IREB2: variants seen among roughly 807,000 people sequenced by gnomAD.
IREB2 encodes the protein iron responsive element binding protein 2, also known as iron-responsive element-binding protein 2.
In IREB2, 39 loss-of-function variants were observed where a neutral mutation model predicts 118.8. The ratio of observed to expected loss-of-function variants is 0.33; its 90% CI spans 0.25 to 0.43. The LOEUF is 0.43. Among genes scored for constraint, IREB2 ranks in the 20% least tolerant of loss-of-function variants. IREB2 has a pLI of 1.00. For synonymous variants in IREB2, 372 were observed against 392.2 expected, an observed-to-expected ratio of 0.95 and a Z score of 0.61; for missense variants, 900 against 1,147.3, an observed-to-expected ratio of 0.78 and a Z score of 3.11.
At chr15:78,475,630 G>A (rs953001109) in intron 8 of IREB2, 1 of 152,102 alleles carries the variant, frequency 6.6e-6, no homozygotes, top group Non-Finnish European at 1.5e-5. Context: ...AGCATCACTT[G>A]AGGCCAGAAG....
At chr15:78,477,991 G>A (rs939767734) in intron 9 of IREB2, among the ~76,000 whole-genome samples, 2 of 151,682 alleles carry the variant, frequency 1.3e-5, no homozygotes, top group South Asian at 2.1e-4. Flanking sequence ...GGAGGCCAAG[G>A]CAGGAGGATC....
At chr15:78,489,462 C>A (rs1413744811) in intron 16 of IREB2, among the ~76,000 whole-genome samples, 1 of 152,034 alleles carries the variant, frequency 6.6e-6, no homozygotes, top group Non-Finnish European at 1.5e-5. Flanking sequence ...GGCAAATAAG[C>A]TGTAAAGAGA....
intron 1 of IREB2, chr15:78,438,756 G>A: frequency 3.5e-6 from 1 of 288,012 alleles, no homozygotes; most frequent in Non-Finnish European, 6.7e-6. Context: ...CCGTGTTCGG[G>A]TCTCACGCAG....
intron 5 of IREB2, among the ~76,000 whole-genome samples, chr15:78,468,999 C>G (rs897447427): frequency 6.6e-6 from 1 of 152,138 alleles, no homozygotes. Flanking sequence ...ACTGGCACAT[C>G]GTAAGTGCTT....
chr15:78,463,541 A>G (rs2051232586), intron 3 of IREB2, among the ~76,000 whole-genome samples: 1 of 151,846 alleles, frequency 6.6e-6, no homozygotes, highest in African/African-American at 2.4e-5. Flanking sequence ...GTTAGTTTAT[A>G]AACTTAAAAA....
intron 7 of IREB2, 58 bp downstream of exon 7, chr15:78,471,982 G>A (rs8036042): frequency 0.15 from 194,494 of 1,264,168 alleles, 15,684 homozygotes; most frequent in Non-Finnish European, 0.16. Flanking sequence ...CAAGAACATT[G>A]TAAAAGAACA....
intron 7 of IREB2, among the ~76,000 whole-genome samples, 186 bp from the exon 8 acceptor site, chr15:78,473,056 T>C (rs1308155204): frequency 3.9e-5 from 6 of 152,202 alleles, no homozygotes; most frequent in Non-Finnish European, 7.3e-5. Context: ...TAATAGTTTT[T>C]CGACCGTGCG....
chr15:78,490,879 T>C (rs756937331), intron 18 of IREB2, 118 bp downstream of exon 18: 6 of 938,692 alleles, frequency 6.4e-6, no homozygotes, highest in Non-Finnish European at 9.6e-6. Context: ...GTAATCTGAC[T>C]GCCAATGTGT....
chr15:78,480,414 T>C (rs1001918573), intron 10 of IREB2, among the ~76,000 whole-genome samples: 2 of 152,148 alleles, frequency 1.3e-5, no homozygotes, highest in African/African-American at 4.8e-5. Flanking sequence ...GTGCGGTGGC[T>C]CACGCCTGTA....
intron 2 of IREB2, among the ~76,000 whole-genome samples, chr15:78,447,074 A>G (rs2050942098): frequency 6.6e-6 from 1 of 152,188 alleles, no homozygotes; most frequent in African/African-American, 2.4e-5. Context: ...GTGCGTGGTC[A>G]GATCAGACTC....
At chr15:78,463,528 A>C (rs1390190648) in intron 3 of IREB2, among the ~76,000 whole-genome samples, 2 of 151,530 alleles carry the variant, frequency 1.3e-5, no homozygotes, top group Non-Finnish European at 2.9e-5. Flanking sequence ...TTGTTTTTTT[A>C]AGGTTAGTTT....
chr15:78,441,099 T>A (rs1424160569), intron 2 of IREB2, among the ~76,000 whole-genome samples: 1 of 152,236 alleles, frequency 6.6e-6, no homozygotes, highest in Non-Finnish European at 1.5e-5. Flanking sequence ...ACGATTGTTC[T>A]TGTGATTTTT....
At chr15:78,483,170 G>A in intron 10 of IREB2, 148 bp from the exon 11 acceptor site, 1 of 486,600 alleles carries the variant, frequency 2.1e-6, no homozygotes, top group Non-Finnish European at 3.6e-6. Flanking sequence ...TTATTTCTTG[G>A]GGTTGAGGGT....
intron 12 of IREB2, 32 bp downstream of exon 12, chr15:78,484,952 T>C: frequency 6.3e-7 from 1 of 1,590,832 alleles, no homozygotes; most frequent in Non-Finnish European, 8.6e-7. Context: ...TACTTTTTCT[T>C]TTTCCTTAAT....
intron 2 of IREB2, among the ~76,000 whole-genome samples, chr15:78,458,553 G>A (rs1478288185): frequency 1.3e-5 from 2 of 152,036 alleles, no homozygotes; most frequent in African/African-American, 2.4e-5. Flanking sequence ...AGGATTACAA[G>A]CATGAGCCAC....
intron 18 of IREB2, among the ~76,000 whole-genome samples, chr15:78,492,362 C>CAAAAATTACCGAGATTACCA (rs1555409639): frequency 1.3e-5 from 2 of 150,798 alleles, no homozygotes; most frequent in Non-Finnish European, 3.0e-5. Context: ...ACAATTTTAC[C>CAAAAATTACCGAGATTACCA]AAAAATTACC....
chr15:78,470,517 T>C lies in IREB2; in HGVS notation c.630-15T>C. 1 of 1,562,924 alleles carries C rather than the reference T, an allele frequency of 6.4e-7. No individual in the cohort carries two copies. Reference sequence around the variant, plus strand: ...TGTAATACATACGTTTAATGCCAGCTCTTCTTCCTTTTAGACCTGAAACAG... The same window carrying C: ...TGTAATACATACGTTTAATGCCAGCCCTTCTTCCTTTTAGACCTGAAACAG... On this transcript the variant is annotated splice_polypyrimidine_tract_variant and intron_variant, in intron 5 of 21. Transcript: ENST00000258886.
In IREB2 at chr15:78,470,948, G is replaced by GC. The variant is rs569101932; in HGVS notation, c.699+355dup. On this transcript the variant is annotated intron_variant, in intron 6 of 21. Coordinates refer to ENST00000258886, the MANE Select transcript of IREB2 (RefSeq NM_004136.4). The stretch of plus-strand genomic sequence containing the variant: ...GGCCTCAGGCAATCTGCCTGCCTCG[G>GC]CCCCCCCCAAAGTGCTGGGACTACA... 57 of 155,944 alleles carry GC rather than the reference G, an allele frequency of 3.7e-4. No individual in the cohort carries two copies. The East Asian group carries it at 4.0e-3, about 11-fold the overall frequency. 9.7% of individuals were successfully genotyped at this position (155,944 alleles called of 1,614,324 possible).
chr15:78,455,294 A>G (rs555824541), intron 2 of IREB2, among the ~76,000 whole-genome samples: 1 of 152,264 alleles, frequency 6.6e-6, no homozygotes, highest in South Asian at 2.1e-4. Context: ...AAGTTTAGGA[A>G]GCTTGCAAGA....
Sources: gnomAD v4.1 joint callset for allele counts (sites outside exome capture counted in the v4.1 genomes callset) on GRCh38, gnomAD v4.1.1 for gene constraint, MANE v1.5 for transcripts, NCBI Gene and HGNC (gene_info 2026-07-23, HGNC 2026-07-21) for gene names.